Variants in HPSE2 observed in about 807,000 individuals in gnomAD.
HPSE2 encodes the protein inactive heparanase-2.
HPSE2 carries 38 observed loss-of-function variants against 60.5 expected under a neutral mutation model. The ratio of observed to expected loss-of-function variants is 0.63; its 90% CI spans 0.48 to 0.82. HPSE2 has a LOEUF of 0.82. Ranked by LOEUF, HPSE2 falls within the 40% of genes least tolerant of loss-of-function variation. The pLI is 0.00. For missense variants in HPSE2, 713 were observed against 740.4 expected (o/e 0.96, Z 0.43); for synonymous variants, 295 against 293.2 (o/e 1.01, Z -0.06).
At chr10:98,526,078 C>T (rs747266267) in intron 9 of HPSE2, among the ~76,000 whole-genome samples, 7 of 152,152 alleles carry the variant, frequency 4.6e-5, no homozygotes, top group Non-Finnish European at 1.0e-4. Flanking sequence ...CACAAAAATT[C>T]CACAGCCTCA....
chr10:98,562,693 G>A (rs1490531058), intron 9 of HPSE2, among the ~76,000 whole-genome samples: 2 of 134,130 alleles, frequency 1.5e-5, no homozygotes, highest in Non-Finnish European at 3.1e-5. Context: ...CCAGCCTGGC[G>A]AACAGAGTGA....
chr10:98,914,331 G>A (rs182412169), intron 3 of HPSE2, among the ~76,000 whole-genome samples: 28 of 152,106 alleles, frequency 1.8e-4, no homozygotes, highest in African/African-American at 6.0e-4. Flanking sequence ...GGAACTGTAC[G>A]TTCAATGAAA....
rs547300507 is a variant in HPSE2 at position 98,798,897 on chromosome 10, T to C, written c.611-54841A>G. ...AAGTCTGTACTTATCAGTGATAACATTGAATGGAAAATGGACTAAACTCCG... is the reference window on the plus strand; with the variant it reads ...AAGTCTGTACTTATCAGTGATAACACTGAATGGAAAATGGACTAAACTCCG... On this transcript the variant is annotated intron_variant, in intron 3 of 11. Transcript: ENST00000370552. 1.2e-4 allele frequency among the ~76,000 whole-genome samples: 18 copies of C among 152,084 alleles called. No individual in the cohort carries two copies. The East Asian group carries it at 1.5e-3, about 13-fold the overall frequency.
At chr10:98,922,502 C>T (rs898146116) in intron 3 of HPSE2, among the ~76,000 whole-genome samples, 5 of 152,108 alleles carry the variant, frequency 3.3e-5, no homozygotes, top group Admixed American at 1.3e-4. Flanking sequence ...TGGAAGGTAA[C>T]GCATGCTTGA....
rs566819311 is a variant in HPSE2, at chr10:99,186,069, CA to C, written c.449-41671del. ...ACAGACAATAAACCATGGCCAGATCCAATAAACACTGATAACACTAAGCAGG... is the reference window on the plus strand; with the variant it reads ...ACAGACAATAAACCATGGCCAGATCCATAAACACTGATAACACTAAGCAGG... On this transcript the variant is annotated intron_variant, in intron 2 of 11. Transcript: ENST00000370552. Among the ~76,000 whole-genome samples, 289 of 142,376 alleles carry C rather than the reference CA, an allele frequency of 2.0e-3. 1 individual carries two copies. Among genetic ancestry groups the C allele is most frequent in the African/African-American group, 7.2e-3 (278 of 38,526 alleles). The allele number at this position is 142,376 out of a possible 152,430, so 93.4% of individuals were successfully genotyped here.
At chr10:99,302,104 T>C in the HPSE2 span, among the ~76,000 whole-genome samples, 1 of 151,534 alleles carries the variant, frequency 6.6e-6, no homozygotes, top group Non-Finnish European at 1.5e-5. Context: ...GTAAAAAGGG[T>C]GGGTTATGCA....
At chr10:99,258,154 T>A in the HPSE2 span, among the ~76,000 whole-genome samples, 6 of 151,376 alleles carry the variant, frequency 4.0e-5, no homozygotes, top group Non-Finnish European at 2.9e-5. Flanking sequence ...AAAAAAAAGA[T>A]TGTGGGTTAT....
chr10:98,491,834 C>T (rs1045882063), intron 9 of HPSE2, among the ~76,000 whole-genome samples: 1 of 152,152 alleles, frequency 6.6e-6, no homozygotes, highest in Admixed American at 6.5e-5. Flanking sequence ...TATATAAAGA[C>T]ACAAGGCAGC....
intron 6 of HPSE2, among the ~76,000 whole-genome samples, chr10:98,654,691 C>T (rs1303329312): frequency 1.3e-5 from 2 of 152,142 alleles, no homozygotes; most frequent in Non-Finnish European, 2.9e-5. Context: ...TCTAGTAATT[C>T]TAATAACTAT....
intron 3 of HPSE2, among the ~76,000 whole-genome samples, chr10:98,904,132 G>T (rs2134991414): frequency 6.6e-6 from 1 of 152,214 alleles, no homozygotes; most frequent in Non-Finnish European, 1.5e-5. Context: ...CGATATTTTA[G>T]AAATAATCAT....
intron 11 of HPSE2, among the ~76,000 whole-genome samples, chr10:98,475,142 G>A (rs1940951723): frequency 7.0e-6 from 1 of 143,406 alleles, no homozygotes; most frequent in African/African-American, 2.7e-5. Flanking sequence ...TTTTGAGACG[G>A]AGTCTCGCTC....
chr10:99,293,520 T>G, the HPSE2 span, among the ~76,000 whole-genome samples: 1 of 152,214 alleles, frequency 6.6e-6, no homozygotes, highest in African/African-American at 2.4e-5. Flanking sequence ...CTAGGATAAC[T>G]TTTACAGAAA....
chr10:98,540,635 C>T (rs559489548), intron 9 of HPSE2, among the ~76,000 whole-genome samples: 1 of 152,264 alleles, frequency 6.6e-6, no homozygotes, highest in Admixed American at 6.5e-5. Flanking sequence ...AGATATGAAA[C>T]ATAAACTCCT....
At chr10:98,883,015 T>G (rs923853946) in intron 3 of HPSE2, among the ~76,000 whole-genome samples, 2 of 152,076 alleles carry the variant, frequency 1.3e-5, no homozygotes, top group Non-Finnish European at 2.9e-5. Flanking sequence ...AAACATGTCC[T>G]GTGATCAATG....
At chr10:98,964,215 ATTAT>A (rs1955756448) in intron 3 of HPSE2, among the ~76,000 whole-genome samples, 1 of 152,004 alleles carries the variant, frequency 6.6e-6, no homozygotes, top group Admixed American at 6.6e-5. Context: ...TTTATTTTCA[ATTAT>A]TTTCTCCTTC....
intron 9 of HPSE2, among the ~76,000 whole-genome samples, chr10:98,526,218 T>G (rs1942963191): frequency 6.6e-6 from 1 of 152,194 alleles, no homozygotes; most frequent in Non-Finnish European, 1.5e-5. Context: ...GTCTCAGCCC[T>G]CTGGGTATAA....
intron 3 of HPSE2, among the ~76,000 whole-genome samples, chr10:99,022,538 C>T (rs982831231): frequency 6.6e-6 from 1 of 152,094 alleles, no homozygotes; most frequent in Non-Finnish European, 1.5e-5. Context: ...AGTGCTTGCA[C>T]GACTCTTCCC....
chr10:98,676,625 G>C (rs1033572577), intron 6 of HPSE2, among the ~76,000 whole-genome samples: 2 of 152,166 alleles, frequency 1.3e-5, no homozygotes, highest in African/African-American at 4.8e-5. Context: ...AAAGGACTGA[G>C]ATATTTGGCA....
At chr10:98,835,837 T>C (rs938688941) in intron 3 of HPSE2, among the ~76,000 whole-genome samples, 21 of 152,180 alleles carry the variant, frequency 1.4e-4, no homozygotes, top group African/African-American at 4.3e-4. Context: ...CACCTTTTCT[T>C]TGGAATTGTC....
Sources: allele counts gnomAD v4.1 joint callset (sites outside exome capture counted in the v4.1 genomes callset), GRCh38; gene constraint gnomAD v4.1.1; transcripts MANE v1.5; gene names NCBI Gene and HGNC (gene_info 2026-07-23, HGNC 2026-07-21).